MAP3K15: variants seen among roughly 807,000 people sequenced by gnomAD.
The protein encoded by MAP3K15 is MAPK/ERK kinase kinase 15.
A neutral mutation model predicts 99.5 loss-of-function variants in MAP3K15; 124 were observed. That is an observed-to-expected ratio of 1.25 (90% CI 1.08 to 1.45). MAP3K15 has a LOEUF of 1.45. Ranked by LOEUF, MAP3K15 falls within the 40% of genes most tolerant of loss-of-function variation. The pLI, the probability that MAP3K15 is intolerant of heterozygous loss-of-function variation, is 0.00. For synonymous variants in MAP3K15, 494 were observed against 439.6 expected (o/e 1.12, Z -1.55); for missense variants, 1,242 against 1,079.7 (o/e 1.15, Z -2.11).
At chrX:19,486,083 T>C (rs1262744134) in intron 3 of MAP3K15, among the ~76,000 whole-genome samples, 1 of 111,707 alleles carries the variant, frequency 9.0e-6, no homozygotes, top group East Asian at 2.8e-4. Flanking sequence ...TTAACTGGCA[T>C]ACAACTTCAC....
chrX:19,374,212 G>A (rs1033816192), intron 20 of MAP3K15, among the ~76,000 whole-genome samples: 4 of 111,342 alleles, frequency 3.6e-5, no homozygotes, highest in Non-Finnish European at 5.7e-5. Context: ...TCCCAATCCC[G>A]AAGGAACAAC....
In MAP3K15 at chrX:19,394,790, T is replaced by C. The variant is rs963408442; in HGVS notation, c.2194+291A>G. Among the ~76,000 whole-genome samples, 59 of 7,569 alleles carry C rather than the reference T, an allele frequency of 7.8e-3. 1 individual carries two copies. The highest frequency in any genetic ancestry group is 0.025 in the African/African-American group (44 of 1,780). 6.6% of individuals were successfully genotyped at this position (7,569 alleles called of 115,157 possible). A position where few individuals can be genotyped will look rare whatever the true frequency, so the allele number is the denominator to read the frequency against. On this transcript the variant is annotated intron_variant, in intron 16 of 28. Transcript: ENST00000338883. ...TTCCAACATCTAAAGGGTCTGTTGC[T>C]TTTTTTTTTTTTTTTTTTTTTTTTT... is the stretch of plus-strand genomic sequence containing the variant.
chrX:19,485,626 C>T (rs12353742), intron 3 of MAP3K15, among the ~76,000 whole-genome samples: 140 of 110,948 alleles, frequency 1.3e-3, no homozygotes, highest in African/African-American at 4.3e-3. Flanking sequence ...CTGCAGAGGG[C>T]GCCCAGGGGA....
intron 6 of MAP3K15, among the ~76,000 whole-genome samples, chrX:19,453,988 A>G (rs1342971568): frequency 1.8e-5 from 2 of 111,576 alleles, no homozygotes; most frequent in Non-Finnish European, 3.8e-5. Context: ...AGGTTCTGGA[A>G]CAAGCATGCA....
intron 6 of MAP3K15, among the ~76,000 whole-genome samples, chrX:19,450,682 T>A (rs2147341241): frequency 9.2e-6 from 1 of 108,886 alleles, no homozygotes; most frequent in Admixed American, 9.7e-5. Flanking sequence ...ACAGCCCTTC[T>A]ACTGACACAT....
intron 9 of MAP3K15, among the ~76,000 whole-genome samples, chrX:19,423,423 T>C (rs762723063): frequency 1.9e-4 from 21 of 110,644 alleles, no homozygotes; most frequent in Admixed American, 5.8e-4. Context: ...TTTGATGTTA[T>C]GACATCTTGA....
chrX:19,417,397 A>G (rs1377496746), intron 9 of MAP3K15, among the ~76,000 whole-genome samples: 9 of 112,000 alleles, frequency 8.0e-5, no homozygotes, highest in African/African-American at 2.3e-4. Context: ...AGGAGATTAT[A>G]TCCCGCGCCT....
At chrX:19,389,216 C>G (rs1409366144) in intron 18 of MAP3K15, among the ~76,000 whole-genome samples, 2 of 106,545 alleles carry the variant, frequency 1.9e-5, no homozygotes, top group Non-Finnish European at 3.8e-5. Flanking sequence ...GGCTGAGCAA[C>G]TCAGTAAATT....
Position 19,384,561 on chromosome X carries a change from G to A in MAP3K15, c.2432-4284C>T, listed in dbSNP as rs766740933. Among the ~76,000 whole-genome samples, 18 of 107,779 alleles carry A rather than the reference G, an allele frequency of 1.7e-4. No homozygotes were observed. The South Asian group carries it at 5.7e-3, about 34-fold the overall frequency. 93.6% of individuals were successfully genotyped at this position (107,779 alleles called of 115,157 possible). Reference sequence around the variant, plus strand: ...TTGAGACCAGCCTGGGCAACACAGCGAAACCCCATCTCTACTAAAAAAGTA... The same window carrying A: ...TTGAGACCAGCCTGGGCAACACAGCAAAACCCCATCTCTACTAAAAAAGTA... On this transcript the variant is annotated intron_variant, in intron 18 of 28. Transcript: ENST00000338883.
At chrX:19,489,500 A>AT (rs776996306) in intron 1 of MAP3K15, among the ~76,000 whole-genome samples, 1 of 111,117 alleles carries the variant, frequency 9.0e-6, no homozygotes, top group South Asian at 3.9e-4. Context: ...GTTGAAACCT[A>AT]TCCCCCAATA....
At chrX:19,487,020 A>G (rs1277208480) in intron 2 of MAP3K15, among the ~76,000 whole-genome samples, 1 of 108,419 alleles carries the variant, frequency 9.2e-6, no homozygotes, top group African/African-American at 3.3e-5. Flanking sequence ...ACCCTGCTAC[A>G]ACTGTCTAGG....
intron 6 of MAP3K15, among the ~76,000 whole-genome samples, chrX:19,436,880 G>A (rs1430216358): frequency 9.0e-6 from 1 of 111,385 alleles, no homozygotes; most frequent in East Asian, 2.8e-4. Flanking sequence ...GTTTAGCCAT[G>A]ATGACCAGGG....
intron 21 of MAP3K15, 71 bp downstream of exon 21, chrX:19,373,465 G>C: frequency 8.9e-7 from 1 of 1,121,603 alleles, no homozygotes; most frequent in Non-Finnish European, 1.2e-6. Context: ...TGGGACCAGG[G>C]AGGTGCCCTG....
At chrX:19,416,125 G>T (rs764874148) in intron 9 of MAP3K15, among the ~76,000 whole-genome samples, 1 of 111,682 alleles carries the variant, frequency 9.0e-6, no homozygotes, top group East Asian at 2.8e-4. Flanking sequence ...GAGGTCAGGA[G>T]TCCAAGACCA....
At chrX:19,454,264 T>A (rs2064076788) in intron 6 of MAP3K15, among the ~76,000 whole-genome samples, 1 of 112,004 alleles carries the variant, frequency 8.9e-6, no homozygotes, top group South Asian at 3.8e-4. Flanking sequence ...ACTGGCAAGT[T>A]CTATTTTGTT....
intron 9 of MAP3K15, among the ~76,000 whole-genome samples, chrX:19,422,190 T>C (rs1422278019): frequency 9.1e-6 from 1 of 109,905 alleles, no homozygotes; most frequent in Non-Finnish European, 1.9e-5. Flanking sequence ...GGGATCTAAT[T>C]AAACTAAAGA....
At chrX:19,413,882 A>C (rs1030719415) in intron 10 of MAP3K15, among the ~76,000 whole-genome samples, 9 of 108,995 alleles carry the variant, frequency 8.3e-5, no homozygotes, top group Non-Finnish European at 9.5e-5. Flanking sequence ...AAGGAGGCCA[A>C]AGGAAGAAAA....
intron 11 of MAP3K15, among the ~76,000 whole-genome samples, chrX:19,411,546 T>A (rs1431838294): frequency 9.0e-6 from 1 of 111,652 alleles, no homozygotes; most frequent in Non-Finnish European, 1.9e-5. Context: ...AATCATACCA[T>A]GGGGGGCGGT....
chrX:19,424,257 C>CAT (rs1226002496), intron 9 of MAP3K15, among the ~76,000 whole-genome samples: 1 of 106,238 alleles, frequency 9.4e-6, no homozygotes, highest in Admixed American at 1.0e-4. Flanking sequence ...TATATATACA[C>CAT]ATATATATAC....
Sources: allele counts gnomAD v4.1 joint callset (sites outside exome capture counted in the v4.1 genomes callset), GRCh38; gene constraint gnomAD v4.1.1; transcripts MANE v1.5; gene names NCBI Gene and HGNC (gene_info 2026-07-23, HGNC 2026-07-21).